Variants in RGS3 observed in about 807,000 individuals in gnomAD.
RGS3 encodes the protein regulator of G-protein signalling 3.
RGS3 carries 80 observed loss-of-function variants against 132.6 expected under a neutral mutation model. The ratio of observed to expected loss-of-function variants is 0.60; its 90% CI spans 0.50 to 0.73. RGS3 has a LOEUF of 0.73. RGS3 is among the 30% of genes least tolerant of loss of function. The pLI, the probability that RGS3 is intolerant of heterozygous loss-of-function variation, is 0.00. For synonymous variants in RGS3, 598 were observed against 620.6 expected, an observed-to-expected ratio of 0.96 and a Z score of 0.54; for missense variants, 1,382 against 1,530.8, an observed-to-expected ratio of 0.90 and a Z score of 1.62.
chr9:113,447,187 G>A (rs1367287387), intron 1 of RGS3, among the ~76,000 whole-genome samples: 21 of 148,342 alleles, frequency 1.4e-4, no homozygotes, highest in Admixed American at 1.1e-3. Flanking sequence ...GATTGAACCC[G>A]GGAGGTAGAG....
chr9:113,505,957 G>A (rs1831110437), intron 11 of RGS3, among the ~76,000 whole-genome samples: 1 of 152,164 alleles, frequency 6.6e-6, no homozygotes, highest in Admixed American at 6.5e-5. Context: ...AAAGACAGAA[G>A]CCAGGGCTCA....
chr9:113,541,651 C>T (rs1177063547), intron 19 of RGS3: 2 of 1,175,786 alleles, frequency 1.7e-6, no homozygotes, highest in Non-Finnish European at 2.1e-6. Flanking sequence ...GCAGAAAGTC[C>T]CAAGAGGAGA....
chr9:113,562,184 A>G (rs1321817557), intron 19 of RGS3, among the ~76,000 whole-genome samples: 2 of 152,120 alleles, frequency 1.3e-5, no homozygotes, highest in Admixed American at 6.5e-5. Context: ...GATATTAGAA[A>G]TCATATCTGA....
chr9:113,505,486 CTGCG>C lies in RGS3; in HGVS notation c.943_946del (p.Cys315ThrfsTer29). On this transcript the variant is annotated frameshift_variant, in exon 11 of 25. Transcript: ENST00000350696. LOFTEE classifies it high-confidence loss of function. ...AGGACGGCTTTGGCTTCACCATCTG[CTGCG>C]ACTCTCCAGTTCGAGTCCAGGCCGT... The C allele has an allele frequency of 6.2e-7, 1 of 1,614,206 alleles. No homozygotes were observed. Among genetic ancestry groups the C allele is most frequent in the Non-Finnish European group, 8.5e-7 (1 of 1,180,042 alleles).
chr9:113,448,732 T>C (rs1322145558), intron 1 of RGS3, among the ~76,000 whole-genome samples: 2 of 152,174 alleles, frequency 1.3e-5, no homozygotes, highest in South Asian at 2.1e-4. Flanking sequence ...TAATAATATA[T>C]GTTGAATGAG....
chr9:113,534,610 ATTT>A lies in RGS3; in HGVS notation c.1915-2168_1915-2166del, dbSNP rs58115176. On this transcript the variant is annotated intron_variant, in intron 18 of 24. Transcript: ENST00000350696. ...ATCTGTACATATGTAGTACAGATGA[ATTT>A]TTTTTTTTTTTTTTTTTGAGACAAG... is the stretch of plus-strand genomic sequence containing the variant. Among the ~76,000 whole-genome samples the A allele has an allele frequency of 5.1e-3, 662 of 128,744 alleles. 5 individuals are homozygous for A. The highest frequency in any genetic ancestry group is 0.016 in the African/African-American group (557 of 35,250). 84.5% of individuals were successfully genotyped at this position (128,744 alleles called of 152,430 possible).
chr9:113,508,631 G>C, intron 14 of RGS3, 51 bp downstream of exon 12: 1 of 1,595,210 alleles, frequency 6.3e-7, no homozygotes, highest in Non-Finnish European at 8.6e-7. Flanking sequence ...GGCAGCAGGG[G>C]TCAGCTGAGG....
rs1364549918 is a variant in RGS3 at position 113,537,612 on chromosome 9, TTGCTAAAAG to T, written c.2037+699_2037+707del. 6.6e-6 allele frequency among the ~76,000 whole-genome samples: 1 copy of T among 152,230 alleles called. No individual in the cohort carries two copies. Among genetic ancestry groups the T allele is most frequent in the African/African-American group, 2.4e-5 (1 of 41,444 alleles). On this transcript the variant is annotated intron_variant, in intron 19 of 24. Transcript: ENST00000350696. This position sits in a 1 kb window ranked among gnomAD's most constrained non-coding sequence, Gnocchi z 4.3. ...TTGTGAGTCATTCAGGTCCCTTCTT[TTGCTAAAAG>T]TGCTGGCCATTTGGGAATTGGGTCT...
In RGS3 at chr9:113,565,120, G is replaced by A; in HGVS notation, c.2038-18330G>A. ...CCCCCGGAGCAGCACTTTGGGGCCA[G>A]CTTGGGCCCTGGGGATGAGCCACAG... On this transcript the variant is annotated intron_variant, in intron 19 of 24. Coordinates refer to ENST00000350696, the Ensembl canonical transcript of RGS3. The surrounding 1 kb of genome is among the most constrained non-coding windows in gnomAD (Gnocchi z 5.7). 1 of 1,175,418 alleles carries A rather than the reference G, an allele frequency of 8.5e-7. No individual in the cohort carries two copies. The highest frequency in any genetic ancestry group is 1.1e-6 in the Non-Finnish European group (1 of 934,740). The allele number at this position is 1,175,418 out of a possible 1,614,324, so 72.8% of individuals were successfully genotyped here.
chr9:113,462,200 A>C lies in RGS3; in HGVS notation c.414A>C (p.Ala138=), dbSNP rs751993350. Reference sequence around the variant, plus strand: ...TCACGCATGCCAAAGTCCAGGGTGCAGGTAAGTCCATCTGTCACTGGCTTG... The same window carrying C: ...TCACGCATGCCAAAGTCCAGGGTGCCGGTAAGTCCATCTGTCACTGGCTTG... The change falls in exon 3 of 25, where the codon GCA becomes GCC. Residue 138 remains alanine (A), a splice_region_variant and synonymous_variant. Transcript: ENST00000350696. The C allele has an allele frequency of 2.5e-6, 4 of 1,586,946 alleles. No homozygotes were observed. In the African/African-American group the frequency reaches 5.4e-5, roughly 21 times the overall value.
chr9:113,495,981 G>T, intron 8 of RGS3, 135 bp downstream of exon 6: 1 of 800,880 alleles, frequency 1.2e-6, no homozygotes, highest in South Asian at 1.4e-5. Context: ...GCCCTGTGGG[G>T]TGGCCTGCAT....
chr9:113,463,572 G>C lies in RGS3; in HGVS notation c.415+1371G>C, dbSNP rs1326527913. 2.3e-6 allele frequency: 1 copy of C among 434,248 alleles called. No individual in the cohort carries two copies. Among genetic ancestry groups the C allele is most frequent in the Non-Finnish European group, 3.1e-6 (1 of 326,234 alleles). 26.9% of individuals were successfully genotyped at this position (434,248 alleles called of 1,614,324 possible). A position where few individuals can be genotyped will look rare whatever the true frequency, so the allele number is the denominator to read the frequency against. On this transcript the variant is annotated intron_variant, in intron 3 of 24. Coordinates refer to ENST00000350696, the Ensembl canonical transcript of RGS3. The surrounding 1 kb of genome is among the most constrained non-coding windows in gnomAD (Gnocchi z 4.6). ...TGGCTGCCGTCGCTGCTCAGCGCGG[G>C]TCGGCGGCGCCGCCTCCCCCACCCC...
At chr9:113,533,505 G>A (rs1415841557) in intron 18 of RGS3, among the ~76,000 whole-genome samples, 6 of 152,208 alleles carry the variant, frequency 3.9e-5, no homozygotes, top group Non-Finnish European at 8.8e-5. Context: ...TGCTGGGATT[G>A]CAGGCATGAG....
intron 3 of RGS3, among the ~76,000 whole-genome samples, chr9:113,468,125 GT>G (rs1829709691): frequency 6.6e-6 from 1 of 152,156 alleles, no homozygotes; most frequent in Admixed American, 6.5e-5. Context: ...CAAATCTAAG[GT>G]TCTGTCAGTT....
intron 4 of RGS3, among the ~76,000 whole-genome samples, chr9:113,480,458 CAAAAAAA>C (rs755925249): frequency 3.0e-5 from 2 of 65,894 alleles, no homozygotes; most frequent in Non-Finnish European, 5.9e-5. Context: ...GACTCCGTCT[CAAAAAAA>C]AAAAAAAAAA....
In RGS3 at chr9:113,549,541, A is replaced by C. The variant is rs575397557; in HGVS notation, c.2037+12623A>C. On this transcript the variant is annotated intron_variant, in intron 19 of 24. Transcript: ENST00000350696. The stretch of plus-strand genomic sequence containing the variant: ...TTATTATGAAGAAAACATTTAATAC[A>C]GATGAACCAGGAGAAGAAAATGAAG... Among the ~76,000 whole-genome samples, 25 of 152,362 alleles carry C rather than the reference A, an allele frequency of 1.6e-4. No individual in the cohort carries two copies. In the East Asian group the frequency reaches 1.7e-3, roughly 11 times the overall value.
Position 113,506,450 on chromosome 9 carries a change from C to T in RGS3, c.1042C>T (p.Pro348Ser). The change falls in exon 12 of 25, where the codon CCT becomes TCT. Residue 348 changes from proline to serine, a missense_variant. Physicochemically the swap from Pro to Ser is moderately conservative, Grantham distance 74 (BLOSUM62 -1). Coordinates refer to ENST00000350696, the Ensembl canonical transcript of RGS3. This position sits in a 1 kb window ranked among gnomAD's most constrained non-coding sequence, Gnocchi z 4.7. ...CACGGTGCTGCAGCTGAATGAGAGG[C>T]CTGTGGAGCACTGGAAATGTGTGGA... 6.3e-7 allele frequency: 1 copy of T among 1,598,438 alleles called. No individual in the cohort carries two copies. The highest frequency in any genetic ancestry group is 8.5e-7 in the Non-Finnish European group (1 of 1,173,906).
At chr9:113,497,162 G>A (rs1401417670) in intron 8 of RGS3, 152 bp from the exon 7 acceptor site, 12 of 616,270 alleles carry the variant, frequency 1.9e-5, no homozygotes, top group Non-Finnish European at 2.9e-5. Flanking sequence ...TCCTGGAGGT[G>A]CAGGCATGGC....
chr9:113,539,843 A>G (rs577664301), intron 19 of RGS3, among the ~76,000 whole-genome samples: 1 of 152,284 alleles, frequency 6.6e-6, no homozygotes, highest in Admixed American at 6.5e-5. Flanking sequence ...GCTTGTTGGG[A>G]AGGTAGAGGG....
Sources: gnomAD v4.1 joint callset for allele counts (sites outside exome capture counted in the v4.1 genomes callset) on GRCh38, gnomAD v4.1.1 for gene constraint, Gnocchi (gnomAD v3.1) non-coding constraint, MANE v1.5 for transcripts, NCBI Gene and HGNC (gene_info 2026-07-23, HGNC 2026-07-21) for gene names.